Variants in PTPRM observed in about 807,000 individuals in gnomAD.
PTPRM encodes the protein receptor-type tyrosine-protein phosphatase mu.
A neutral mutation model predicts 186.7 loss-of-function variants in PTPRM; 47 were observed. The observed-to-expected ratio is 0.25, with a 90% confidence interval of 0.20 to 0.32. The LOEUF (loss-of-function observed/expected upper bound fraction) is 0.32, where lower values mean the gene tolerates loss of function less well. Among genes scored for constraint, PTPRM ranks in the 10% least tolerant of loss-of-function variants. PTPRM has a pLI of 1.00. For missense variants in PTPRM, 1,494 were observed against 1,865.0 expected (o/e 0.80, Z 3.66); for synonymous variants, 668 against 674.9 (o/e 0.99, Z 0.16).
At chr18:8,399,538 G>A (rs1387712038) in intron 32 of PTPRM, among the ~76,000 whole-genome samples, 5 of 152,146 alleles carry the variant, frequency 3.3e-5, no homozygotes, top group Non-Finnish European at 7.4e-5. Context: ...CAACAAAAAA[G>A]AATACTGTTC....
intron 1 of PTPRM, among the ~76,000 whole-genome samples, chr18:7,757,554 G>A (rs774236536): frequency 7.9e-5 from 12 of 152,172 alleles, no homozygotes; most frequent in East Asian, 5.8e-4. Flanking sequence ...GCAGGTGGGC[G>A]TTTCTGCAGT....
chr18:7,881,306 G>A (rs1191244187), intron 2 of PTPRM, among the ~76,000 whole-genome samples: 5 of 152,004 alleles, frequency 3.3e-5, no homozygotes, highest in Admixed American at 1.3e-4. Context: ...ACAGTGGTGC[G>A]TGCTTGTAAA....
At chr18:7,596,535 TG>T (rs2143691263) in intron 1 of PTPRM, among the ~76,000 whole-genome samples, 1 of 152,324 alleles carries the variant, frequency 6.6e-6, no homozygotes, top group African/African-American at 2.4e-5. Context: ...TTGTTGTAAT[TG>T]TTCCATTTTA....
chr18:7,840,696 T>G, intron 2 of PTPRM, among the ~76,000 whole-genome samples: 1 of 152,220 alleles, frequency 6.6e-6, no homozygotes, highest in East Asian at 1.9e-4. Context: ...TGTGATGTTG[T>G]GTTTTGTTCA....
At chr18:8,221,888 CA>C (rs1473795036) in intron 14 of PTPRM, among the ~76,000 whole-genome samples, 2 of 152,192 alleles carry the variant, frequency 1.3e-5, no homozygotes, top group Admixed American at 6.5e-5. Flanking sequence ...CAAAGGTGGC[CA>C]ACTGCTCAAA....
intron 2 of PTPRM, among the ~76,000 whole-genome samples, chr18:7,854,352 T>C (rs2046996000): frequency 6.6e-6 from 1 of 152,182 alleles, no homozygotes; most frequent in Admixed American, 6.5e-5. Flanking sequence ...GAGGATCTAG[T>C]ATATTACCCC....
intron 2 of PTPRM, among the ~76,000 whole-genome samples, chr18:7,842,947 T>TATATATATATAGAGAGAGAGAGAGAG (rs370746043): frequency 1.2e-4 from 14 of 112,112 alleles, no homozygotes; most frequent in African/African-American, 3.8e-4. Flanking sequence ...TATATATATA[T>TATATATATATAGAGAGAGAGAGAGAG]AGAGAGAGAG....
intron 1 of PTPRM, among the ~76,000 whole-genome samples, chr18:7,672,203 C>T (rs747456004): frequency 6.6e-6 from 1 of 152,042 alleles, no homozygotes; most frequent in Non-Finnish European, 1.5e-5. Flanking sequence ...TTATGATTTG[C>T]ATGTAAGGTA....
At chr18:7,945,180 G>A (rs528671381) in intron 5 of PTPRM, among the ~76,000 whole-genome samples, 7 of 152,048 alleles carry the variant, frequency 4.6e-5, no homozygotes, top group South Asian at 2.1e-4. Flanking sequence ...CCGGCCGGGC[G>A]TGGTGGCTCA....
At chr18:8,078,522 T>G (rs528433162) in intron 9 of PTPRM, among the ~76,000 whole-genome samples, 6 of 152,204 alleles carry the variant, frequency 3.9e-5, no homozygotes, top group African/African-American at 1.2e-4. Flanking sequence ...GGAAAAAAGT[T>G]TAGTAACCAA....
intron 1 of PTPRM, among the ~76,000 whole-genome samples, chr18:7,615,389 G>C (rs1254263443): frequency 6.6e-6 from 1 of 152,090 alleles, no homozygotes; most frequent in Non-Finnish European, 1.5e-5. Flanking sequence ...AGAGAGACGG[G>C]ATCACTCGCC....
chr18:7,998,655 A>AT lies in PTPRM; in HGVS notation c.1132+43250dup, dbSNP rs952987341. Among the ~76,000 whole-genome samples, 1,335 of 151,650 alleles carry AT rather than the reference A, an allele frequency of 8.8e-3. 8 individuals are homozygous for AT. The highest frequency in any genetic ancestry group is 0.032 in the South Asian group (155 of 4,790). ...GGCTCCCCAAGTACTTTTATACAAC[A>AT]TTTTTTTTTATGTTTTTTTGAGACA... On this transcript the variant is annotated intron_variant, in intron 7 of 32. Transcript: ENST00000580170.
rs752579044 is a variant in PTPRM, at chr18:8,296,397, G to T, written c.2784G>T (p.Trp928Cys). The T allele has an allele frequency of 6.2e-7, 1 of 1,611,080 alleles. No homozygotes were observed. Among genetic ancestry groups the T allele is most frequent in the Non-Finnish European group, 8.5e-7 (1 of 1,177,504 alleles). The change falls in exon 20 of 33, where the codon TGG (tryptophan) becomes TGT (cysteine). Residue 928 changes from tryptophan to cysteine, a missense_variant. Trp to Cys is a radical substitution (Grantham distance 215). Transcript: ENST00000580170. Reference sequence around the variant, plus strand: ...TCTTTGAAGGGCAGTCTGCACCATGGGACTCGGCTAAGAAAGATGAGAACA... The same window carrying T: ...TCTTTGAAGGGCAGTCTGCACCATGTGACTCGGCTAAGAAAGATGAGAACA... ...ESFFEGQSAP[W>C]DSAKKDENRM...
intron 22 of PTPRM, among the ~76,000 whole-genome samples, chr18:8,340,792 G>C (rs1256174047): frequency 6.6e-6 from 1 of 152,206 alleles, no homozygotes; most frequent in Non-Finnish European, 1.5e-5. Context: ...TAGATCAGGA[G>C]AGATCTGAAA....
intron 32 of PTPRM, among the ~76,000 whole-genome samples, chr18:8,397,691 T>C (rs1379747481): frequency 2.0e-5 from 3 of 152,142 alleles, no homozygotes; most frequent in African/African-American, 7.2e-5. Context: ...CTAGTTATAT[T>C]CAGAAGGAGT....
In PTPRM at chr18:7,949,196, G is replaced by C; in HGVS notation, c.679G>C (p.Asp227His). Residue 227 changes from aspartate to histidine, a missense_variant, in exon 6 of 33, where the codon GAT (aspartate) becomes CAT (histidine). Around this residue, in one of 3 missense-constraint regions of PTPRM, gnomAD observed 296 missense variants for 345.5 expected, o/e 0.86. Coordinates refer to ENST00000580170, the MANE Select transcript of PTPRM (RefSeq NM_001105244.2). ...CTTGATACAGGGCATTGATGTGCGA[G>C]ATGCTCCTCTGAAGGAAATCAAGGT... ...RLWLQGIDVR[D>H]APLKEIKVTS... The C allele has an allele frequency of 6.2e-7, 1 of 1,607,764 alleles. No homozygotes were observed. Among genetic ancestry groups the C allele is most frequent in the Non-Finnish European group, 8.5e-7 (1 of 1,174,440 alleles).
At chr18:8,113,946 C>CTTTTTTT in intron 12 of PTPRM, among the ~76,000 whole-genome samples, 187 bp downstream of exon 12, 1 of 146,748 alleles carries the variant, frequency 6.8e-6, no homozygotes, top group South Asian at 2.2e-4. Flanking sequence ...ATATACTCAT[C>CTTTTTTT]TTTTTTTTTT....
intron 14 of PTPRM, among the ~76,000 whole-genome samples, chr18:8,220,289 T>C (rs912795591): frequency 2.0e-5 from 3 of 152,214 alleles, no homozygotes; most frequent in South Asian, 2.1e-4. Flanking sequence ...TCTGAATTTA[T>C]GTCCTTCAAA....
intron 2 of PTPRM, among the ~76,000 whole-genome samples, chr18:7,798,892 C>T (rs749990569): frequency 4.9e-4 from 75 of 152,208 alleles, no homozygotes; most frequent in Admixed American, 1.2e-3. Context: ...TGTATCTGGG[C>T]TCCTCATTCT....
Sources: allele counts gnomAD v4.1 joint callset (sites outside exome capture counted in the v4.1 genomes callset), GRCh38; gene constraint gnomAD v4.1.1; regional missense constraint gnomAD v4.1.1; transcripts MANE v1.5; gene names NCBI Gene and HGNC (gene_info 2026-07-23, HGNC 2026-07-21).